Variants in CHRNB1 observed in about 807,000 individuals in gnomAD.
CHRNB1 encodes cholinergic receptor nicotinic beta 1 subunit.
A neutral mutation model predicts 53.8 loss-of-function variants in CHRNB1; 47 were observed. The observed-to-expected ratio is 0.87, with a 90% CI of 0.69 to 1.11. The LOEUF is 1.11. CHRNB1 is among the 50% of genes most tolerant of loss of function. The pLI is 0.00. For missense variants in CHRNB1, 605 were observed against 654.9 expected (o/e 0.92, Z 0.83); for synonymous variants, 259 against 263.5 (o/e 0.98, Z 0.16).
intron 7 of CHRNB1, among the ~76,000 whole-genome samples, chr17:7,451,949 C>T (rs528373247): frequency 1.3e-5 from 2 of 152,350 alleles, no homozygotes; most frequent in South Asian, 4.1e-4. Flanking sequence ...GCCACCCCAG[C>T]CCTGGAAGCC....
chr17:7,455,015 C>A (rs1367654853), intron 8 of CHRNB1, among the ~76,000 whole-genome samples: 1 of 151,956 alleles, frequency 6.6e-6, no homozygotes, highest in Non-Finnish European at 1.5e-5. Flanking sequence ...GTTGGCCAGG[C>A]TGGTCTTGAA....
intron 6 of CHRNB1, 34 bp from the exon 7 acceptor site, chr17:7,448,545 A>C (rs1262310373): frequency 2.7e-5 from 44 of 1,607,074 alleles, no homozygotes; most frequent in Non-Finnish European, 3.6e-5. Context: ...GACAGCTCTC[A>C]CATCTGTGTT....
intron 10 of CHRNB1, among the ~76,000 whole-genome samples, chr17:7,456,266 CT>C (rs945600867): frequency 2.0e-5 from 3 of 151,984 alleles, no homozygotes; most frequent in African/African-American, 7.3e-5. Flanking sequence ...GTTGGCCAGG[CT>C]GGTCTGAAAC....
chr17:7,449,552 C>A (rs558534302), intron 7 of CHRNB1, among the ~76,000 whole-genome samples: 1 of 151,792 alleles, frequency 6.6e-6, no homozygotes, highest in African/African-American at 2.4e-5. Context: ...AGACCACAAG[C>A]ACCCACAATC....
In CHRNB1 at chr17:7,449,648, G is replaced by C. The variant is rs891303161; in HGVS notation, c.820+860G>C. 1.3e-5 allele frequency among the ~76,000 whole-genome samples: 2 copies of C among 151,632 alleles called. 1 individual carries two copies. Among genetic ancestry groups the C allele is most frequent in the South Asian group, 4.2e-4 (2 of 4,798 alleles). ...TGGTCTGCAACTCCTGAACTCAAGCGATCTGTTCGCCTCAGCCTCCCAACG... is the reference window on the plus strand; with the variant it reads ...TGGTCTGCAACTCCTGAACTCAAGCCATCTGTTCGCCTCAGCCTCCCAACG... On this transcript the variant is annotated intron_variant, in intron 7 of 10. Transcript: ENST00000306071.
In CHRNB1 at chr17:7,455,418, G is replaced by C; in HGVS notation, c.1179G>C (p.Arg393=). Reference sequence around the variant, plus strand: ...GGGGAACAGATGAATATTTCATCCGGAAGCCGCCAAGTGATTTTCTCTTCC... The same window carrying C: ...GGGGAACAGATGAATATTTCATCCGCAAGCCGCCAAGTGATTTTCTCTTCC... ...WGRGTDEYFI[R]KPPSDFLFPK... The change falls in exon 9 of 11, where the codon CGG becomes CGC. Residue 393 remains arginine (R), a synonymous_variant. Transcript: ENST00000306071. The C allele has an allele frequency of 1.2e-6, 2 of 1,614,112 alleles. No homozygotes were observed. The highest frequency in any genetic ancestry group is 2.2e-5 in the South Asian group (2 of 91,078).
chr17:7,446,601 C>A, intron 3 of CHRNB1: 1 of 588,144 alleles, frequency 1.7e-6, no homozygotes, highest in South Asian at 2.0e-5. Context: ...CTACTGCAGC[C>A]TCCTCATTTT....
At chr17:7,456,511 G>A (rs537091521) in intron 10 of CHRNB1, 72 bp from the exon 11 acceptor site, 296 of 1,596,860 alleles carry the variant, frequency 1.9e-4, no homozygotes, top group Non-Finnish European at 2.4e-4. Context: ...GCGGGTAGCG[G>A]GCGGGGAAAT....
In CHRNB1 at chr17:7,445,684, G is replaced by T; in HGVS notation, c.198+275G>T. The T allele has an allele frequency of 1.6e-6, 2 of 1,246,518 alleles. No individual in the cohort carries two copies. Among genetic ancestry groups the T allele is most frequent in the Non-Finnish European group, 2.1e-6 (2 of 930,434 alleles). The allele number at this position is 1,246,518 out of a possible 1,614,324, so 77.2% of individuals were successfully genotyped here. ...GGGGACGAGGCAGGGGCTGGGGGAC[G>T]GACCTCGACGTAGGGCCACATGAGT... On this transcript the variant is annotated intron_variant, in intron 2 of 10. Coordinates refer to ENST00000306071, the MANE Select transcript of CHRNB1 (RefSeq NM_000747.3). This position sits in a 1 kb window ranked among gnomAD's most constrained non-coding sequence, Gnocchi z 5.7.
At position 7,455,891 on chromosome 17, in the gene CHRNB1, T is replaced by C. The variant is rs772230301; in HGVS notation, c.1315T>C (p.Ser439Pro). 1.9e-6 allele frequency: 3 copies of C among 1,613,994 alleles called. No homozygotes were observed. The highest frequency in any genetic ancestry group is 2.5e-6 in the Non-Finnish European group (3 of 1,180,006). Residue 439 changes from serine to proline, a missense_variant, in exon 10 of 11, where the codon TCT (serine) becomes CCT (proline). Ser to Pro is a moderately conservative substitution (Grantham distance 74). Transcript: ENST00000306071. ...TCCGGAGCTACGGGAGGTCGTCTCC[T>C]CTATCAGCTACATCGCTCGACAGCT... is the stretch of plus-strand genomic sequence containing the variant. ...LLPELREVVS[S>P]ISYIARQLQE...
chr17:7,449,913 G>A (rs973364483), intron 7 of CHRNB1, among the ~76,000 whole-genome samples: 4 of 151,502 alleles, frequency 2.6e-5, no homozygotes, highest in Non-Finnish European at 5.9e-5. Context: ...GTGTGGTGGC[G>A]GGCGCCTGTA....
chr17:7,446,117 T>G lies in CHRNB1; in HGVS notation c.243+4T>G. 6.2e-7 allele frequency: 1 copy of G among 1,613,496 alleles called. No individual in the cohort carries two copies. The highest frequency in any genetic ancestry group is 8.5e-7 in the Non-Finnish European group (1 of 1,179,368). ...CACAAAGGTGTACTTAGACCTGGTATGGAGACCCCACGGGGTGGGAAAGGG... is the reference window on the plus strand; with the variant it reads ...CACAAAGGTGTACTTAGACCTGGTAGGGAGACCCCACGGGGTGGGAAAGGG... On this transcript the variant is annotated splice_donor_region_variant and intron_variant, in intron 3 of 10. Coordinates refer to ENST00000306071, the MANE Select transcript of CHRNB1 (RefSeq NM_000747.3).
Position 7,445,447 on chromosome 17 carries a change from C to T in CHRNB1, c.198+38C>T. ...GGGGGGTGGAGGTCAGGCCAGCCGA[C>T]CGGCCGGGGGCGTGGCTTTAGGCAA... On this transcript the variant is annotated intron_variant, in intron 2 of 10. Coordinates refer to ENST00000306071, the MANE Select transcript of CHRNB1 (RefSeq NM_000747.3). The surrounding 1 kb of genome is among the most constrained non-coding windows in gnomAD (Gnocchi z 5.7). 6.2e-7 allele frequency: 1 copy of T among 1,602,524 alleles called. No homozygotes were observed. Among genetic ancestry groups the T allele is most frequent in the Non-Finnish European group, 8.5e-7 (1 of 1,176,790 alleles).
intron 7 of CHRNB1, among the ~76,000 whole-genome samples, chr17:7,449,531 C>T (rs1187343279): frequency 6.6e-6 from 1 of 151,354 alleles, no homozygotes; most frequent in African/African-American, 2.4e-5. Flanking sequence ...CCTCAGCCTC[C>T]TGTGTAACTG....
In CHRNB1 at chr17:7,445,279, G is replaced by A; in HGVS notation, c.68G>A (p.Gly23Asp). 1 of 1,612,740 alleles carries A rather than the reference G, an allele frequency of 6.2e-7. No individual in the cohort carries two copies. Among genetic ancestry groups the A allele is most frequent in the East Asian group, 2.2e-5 (1 of 44,862 alleles). The change falls in exon 2 of 11, where the codon GGC (glycine) becomes GAC (aspartate). Residue 23 changes from glycine (G) to aspartate (D), a missense_variant. Transcript: ENST00000306071. The surrounding 1 kb of genome is among the most constrained non-coding windows in gnomAD (Gnocchi z 5.7). Reference protein sequence around the residue: ...LGAPLAPGVRGSEAEGRLREK... With the variant: ...LGAPLAPGVRDSEAEGRLREK... The stretch of plus-strand genomic sequence containing the variant: ...TTCTCTCCTCCCCCAGGCGTCCGCG[G>A]CTCGGAGGCGGAGGGTCGACTCCGG...
At chr17:7,446,740 C>G in intron 3 of CHRNB1, 93 bp from the exon 4 acceptor site, 3 of 989,042 alleles carry the variant, frequency 3.0e-6, no homozygotes, top group Non-Finnish European at 4.7e-6. Context: ...TCCTGCTCCC[C>G]TTCCTTGCAC....
chr17:7,450,153 T>C (rs963547757), intron 7 of CHRNB1, among the ~76,000 whole-genome samples: 5 of 151,616 alleles, frequency 3.3e-5, no homozygotes, highest in Non-Finnish European at 5.9e-5. Flanking sequence ...TAATCTTTTT[T>C]TTTTTTTCGA....
At chr17:7,448,074 CAAAAAAAAAA>C (rs71157286) in intron 6 of CHRNB1, among the ~76,000 whole-genome samples, 1,233 of 16,662 alleles carry the variant, frequency 0.074, 36 homozygotes, top group African/African-American at 0.22. Flanking sequence ...AAGTTCGTCT[CAAAAAAAAAA>C]AAAAAAAAAA....
chr17:7,445,614 G>A lies in CHRNB1; in HGVS notation c.198+205G>A, dbSNP rs1908573901. 1.4e-6 allele frequency: 2 copies of A among 1,458,898 alleles called. No homozygotes were observed. The highest frequency in any genetic ancestry group is 2.8e-5 in the African/African-American group (2 of 70,868). 90.4% of individuals were successfully genotyped at this position (1,458,898 alleles called of 1,614,324 possible). ...GGTGGACGGGCCTGGAGTAGAACTG[G>A]GTAGGGTGAAGGACGGACCTGTGAT... is the stretch of plus-strand genomic sequence containing the variant. On this transcript the variant is annotated intron_variant, in intron 2 of 10. Coordinates refer to ENST00000306071, the MANE Select transcript of CHRNB1 (RefSeq NM_000747.3). This position sits in a 1 kb window ranked among gnomAD's most constrained non-coding sequence, Gnocchi z 5.7.
Sources: allele counts gnomAD v4.1 joint callset (sites outside exome capture counted in the v4.1 genomes callset), GRCh38; gene constraint gnomAD v4.1.1; non-coding constraint Gnocchi (gnomAD v3.1); transcripts MANE v1.5; gene names NCBI Gene and HGNC (gene_info 2026-07-23, HGNC 2026-07-21).